Variants in ACTR3C observed in about 807,000 individuals in gnomAD.
ACTR3C encodes the protein actin related protein 3C, also known as actin-related protein 3C.
Under a neutral mutation model 26.3 loss-of-function variants are expected in ACTR3C, and 18 were observed. The observed-to-expected ratio is 0.68, with a 90% CI of 0.47 to 1.01. ACTR3C has a LOEUF of 1.01. Ranked by LOEUF, ACTR3C falls within the 50% of genes least tolerant of loss-of-function variation. ACTR3C has a pLI of 0.00. For missense variants in ACTR3C, 184 were observed against 250.7 expected (o/e 0.73, Z 1.80); for synonymous variants, 55 against 94.5 (o/e 0.58, Z 2.42).
the ACTR3C span, among the ~76,000 whole-genome samples, chr7:150,048,279 C>A: frequency 6.6e-6 from 1 of 152,206 alleles, no homozygotes. Flanking sequence ...GCGCTCTCCT[C>A]GCTCCCCGCC....
the ACTR3C span, among the ~76,000 whole-genome samples, chr7:149,899,580 A>C: frequency 1.5e-5 from 2 of 133,020 alleles, no homozygotes; most frequent in Non-Finnish European, 3.3e-5. Context: ...CAAACAAAAG[A>C]CAGAAAATAG....
chr7:150,132,768 T>C, the ACTR3C span, among the ~76,000 whole-genome samples: 1 of 151,986 alleles, frequency 6.6e-6, no homozygotes, highest in Non-Finnish European at 1.5e-5. Context: ...CAAAGGAAAA[T>C]AAATAATTCT....
chr7:150,149,079 G>GTGTATATATA, the ACTR3C span, among the ~76,000 whole-genome samples: 4 of 93,170 alleles, frequency 4.3e-5, no homozygotes, highest in Non-Finnish European at 6.4e-5. Flanking sequence ...TAAAGTTTGA[G>GTGTATATATA]TATATATATA....
downstream of ACTR3C, among the ~76,000 whole-genome samples, chr7:150,239,505 TCG>T (rs1466978778): frequency 0.019 from 2,069 of 110,590 alleles, 128 homozygotes; most frequent in African/African-American, 0.089. Context: ...TAAAAGTTGC[TCG>T]CTCTCTCTCT....
chr7:149,942,428 G>T, the ACTR3C span, among the ~76,000 whole-genome samples: 1 of 152,056 alleles, frequency 6.6e-6, no homozygotes, highest in Non-Finnish European at 1.5e-5. Context: ...CTGTTTCTTG[G>T]ATTGCATCAG....
the ACTR3C span, among the ~76,000 whole-genome samples, chr7:149,904,557 A>C: frequency 6.4e-4 from 70 of 109,160 alleles, 4 homozygotes; most frequent in African/African-American, 1.5e-3. Flanking sequence ...AACAAAAAAA[A>C]CTTTAGAACA....
the ACTR3C span, among the ~76,000 whole-genome samples, chr7:149,900,294 G>C: frequency 6.6e-6 from 1 of 152,018 alleles, no homozygotes; most frequent in African/African-American, 2.4e-5. Context: ...TCCTGCCTCA[G>C]CCTCCCGAAA....
At chr7:149,945,360 G>A in the ACTR3C span, among the ~76,000 whole-genome samples, 8,844 of 145,110 alleles carry the variant, frequency 0.061, 976 homozygotes, top group African/African-American at 0.21. Context: ...ACCAAGAGCC[G>A]TCACTGCTAC....
chr7:150,041,962 T>C, the ACTR3C span, among the ~76,000 whole-genome samples: 13 of 146,954 alleles, frequency 8.8e-5, no homozygotes, highest in Non-Finnish European at 1.5e-4. Context: ...GTACCTGCTG[T>C]CGGAAGATTT....
rs553773904 is a variant in ACTR3C, at chr7:150,282,823, C to G, written c.564+1930G>C. 3.0e-3 allele frequency among the ~76,000 whole-genome samples: 436 copies of G among 143,560 alleles called. 3 individuals are homozygous for G. Among genetic ancestry groups the G allele is most frequent in the Non-Finnish European group, 4.9e-3 (329 of 67,408 alleles). 94.2% of individuals were successfully genotyped at this position (143,560 alleles called of 152,430 possible). ...CCCGAGAGGTCGAGGCTGCAGTGAGCTGTGATCACGCCACTGCACTCCAGC... is the reference window on the plus strand; with the variant it reads ...CCCGAGAGGTCGAGGCTGCAGTGAGGTGTGATCACGCCACTGCACTCCAGC... On this transcript the variant is annotated intron_variant, in intron 6 of 7. Transcript: ENST00000683684.
At chr7:150,000,949 C>T in the ACTR3C span, 3 of 151,140 alleles carry the variant, frequency 2.0e-5, no homozygotes, top group South Asian at 2.1e-4. Context: ...TCCTCCAGGA[C>T]GCTGTCTTTT....
chr7:150,036,632 G>C, the ACTR3C span, among the ~76,000 whole-genome samples: 20 of 142,872 alleles, frequency 1.4e-4, 1 homozygote, highest in African/African-American at 4.7e-4. Context: ...AAACCCCACA[G>C]CTCCTAAGAA....
chr7:149,974,620 G>A, the ACTR3C span, among the ~76,000 whole-genome samples: 1 of 152,178 alleles, frequency 6.6e-6, no homozygotes. Context: ...TGATCCGTCT[G>A]TGATGGGAAC....
the ACTR3C span, chr7:150,073,585 C>A: frequency 7.4e-5 from 11 of 148,132 alleles, no homozygotes; most frequent in African/African-American, 2.5e-4. Flanking sequence ...TACAACAAAT[C>A]TCTTTTGCAT....
At chr7:149,913,692 C>T in the ACTR3C span, among the ~76,000 whole-genome samples, 79,254 of 143,812 alleles carry the variant, frequency 0.55, 22,415 homozygotes, top group South Asian at 0.7. Context: ...ATGGTTCTGG[C>T]GGTCAACCAG....
At chr7:150,088,035 A>G in the ACTR3C span, among the ~76,000 whole-genome samples, 1 of 152,236 alleles carries the variant, frequency 6.6e-6, no homozygotes, top group Admixed American at 6.5e-5. Context: ...GTTACTTGTC[A>G]GTTTGTTATT....
At chr7:150,169,673 A>G in the ACTR3C span, among the ~76,000 whole-genome samples, 12 of 150,824 alleles carry the variant, frequency 8.0e-5, no homozygotes, top group Non-Finnish European at 1.5e-4. Context: ...GGATGAAGCC[A>G]ATATTGAAAT....
the ACTR3C span, among the ~76,000 whole-genome samples, chr7:150,181,611 T>A: frequency 4.0e-5 from 6 of 149,790 alleles, no homozygotes; most frequent in South Asian, 2.1e-4. Context: ...AAAAAAAAGT[T>A]TATATATATA....
intron 3 of ACTR3C, 70 bp from the exon 4 acceptor site, chr7:150,289,663 G>C: frequency 6.4e-7 from 1 of 1,572,520 alleles, no homozygotes; most frequent in East Asian, 2.3e-5. Flanking sequence ...GGACTCACGA[G>C]GTTTCCTGCC....
Sources: gnomAD v4.1 joint callset for allele counts (sites outside exome capture counted in the v4.1 genomes callset) on GRCh38, gnomAD v4.1.1 for gene constraint, MANE v1.5 for transcripts, NCBI Gene and HGNC (gene_info 2026-07-23, HGNC 2026-07-21) for gene names.